The following DIP2B variants were observed in gnomAD, a reference collection of about 807,000 sequenced individuals.
DIP2B encodes the protein disco-interacting protein 2 homolog B.
In DIP2B, 76 loss-of-function variants were observed where a neutral mutation model predicts 198.0. That is an observed-to-expected ratio of 0.38 (90% confidence interval 0.32 to 0.46). The LOEUF is 0.46. DIP2B is among the 20% of genes least tolerant of loss of function. The probability of loss-of-function intolerance (pLI) is 0.99; values close to 1 mark genes in which losing one functional copy is unlikely to be tolerated. For synonymous variants in DIP2B, 701 were observed against 739.1 expected (o/e 0.95, Z 0.84); for missense variants, 1,559 against 1,978.4 (o/e 0.79, Z 4.02).
Position 50,726,431 on chromosome 12 carries a change from A to G in DIP2B, c.3401-1272A>G, listed in dbSNP as rs532416350. On this transcript the variant is annotated intron_variant, in intron 28 of 37. Coordinates refer to ENST00000301180, the MANE Select transcript of DIP2B (RefSeq NM_173602.3). ...AGTGGCGCGATCTCGGCTCACTGCA[A>G]CCTCCACCTCCTGGGTTCAAGGGAT... Among the ~76,000 whole-genome samples, 3 of 152,096 alleles carry G rather than the reference A, an allele frequency of 2.0e-5. No homozygotes were observed. In the East Asian group the frequency reaches 5.8e-4, roughly 29 times the overall value.
At chr12:50,524,484 C>T (rs747811928) in intron 1 of DIP2B, among the ~76,000 whole-genome samples, 2 of 152,124 alleles carry the variant, frequency 1.3e-5, no homozygotes, top group Admixed American at 6.5e-5. Flanking sequence ...GCTGACTCTT[C>T]TTTCTCTTTT....
At chr12:50,542,770 A>C (rs1250332157) in intron 1 of DIP2B, among the ~76,000 whole-genome samples, 2 of 152,234 alleles carry the variant, frequency 1.3e-5, no homozygotes, top group East Asian at 3.8e-4. Context: ...CGTTATGATT[A>C]AACTGTTTCT....
rs572793902 is a variant in DIP2B, at chr12:50,729,344, T to C, written c.3641+666T>C. ...TATGTCTTGTGTCTAATCAAATGTA[T>C]GTCCTTTGGCTCGGTTGTGCTACAC... On this transcript the variant is annotated intron_variant, in intron 30 of 37. Transcript: ENST00000301180. 2.0e-5 allele frequency among the ~76,000 whole-genome samples: 3 copies of C among 152,232 alleles called. No homozygotes were observed. The South Asian group carries it at 6.2e-4, about 32-fold the overall frequency.
intron 1 of DIP2B, among the ~76,000 whole-genome samples, chr12:50,596,485 A>C (rs1419132877): frequency 6.6e-6 from 1 of 152,202 alleles, no homozygotes; most frequent in Non-Finnish European, 1.5e-5. Context: ...TTCACTTTTG[A>C]CCTGTCTCCA....
chr12:50,713,626 T>C (rs1210112186), intron 22 of DIP2B, among the ~76,000 whole-genome samples: 1 of 152,196 alleles, frequency 6.6e-6, no homozygotes, highest in Non-Finnish European at 1.5e-5. Flanking sequence ...CATGGTAACA[T>C]GGTGAATCAC....
intron 1 of DIP2B, among the ~76,000 whole-genome samples, chr12:50,523,634 C>CT (rs1284082184): frequency 1.3e-5 from 2 of 152,128 alleles, no homozygotes; most frequent in African/African-American, 4.8e-5. Context: ...TGAGGTGATA[C>CT]TTGGCCTTAC....
At chr12:50,517,959 G>A (rs1958080491) in intron 1 of DIP2B, among the ~76,000 whole-genome samples, 1 of 152,136 alleles carries the variant, frequency 6.6e-6, no homozygotes. Context: ...CAGTTATTGA[G>A]AGCTTATGAT....
At chr12:50,521,329 A>G (rs1050580454) in intron 1 of DIP2B, among the ~76,000 whole-genome samples, 2 of 150,304 alleles carry the variant, frequency 1.3e-5, no homozygotes, top group Non-Finnish European at 3.0e-5. Context: ...CTGGTCTTGA[A>G]CTCTTGACCT....
At chr12:50,601,008 C>T (rs1958931361) in intron 1 of DIP2B, among the ~76,000 whole-genome samples, 1 of 152,014 alleles carries the variant, frequency 6.6e-6, no homozygotes, top group African/African-American at 2.4e-5. Flanking sequence ...TTGCCTGCCT[C>T]ACCCATTGGA....
rs1940327631 is a variant in DIP2B at position 50,745,365 on chromosome 12, T to C, written c.*526T>C. The C allele has an allele frequency of 6.4e-6, 1 of 156,530 alleles. No homozygotes were observed. Among genetic ancestry groups the C allele is most frequent in the Admixed American group, 6.1e-5 (1 of 16,318 alleles). The allele number at this position is 156,530 out of a possible 1,614,324, so 9.7% of individuals were successfully genotyped here. ...TTACTTTATATAGATAATTCTTGAC[T>C]GTAAAACATTTTGACCAGTGTTTTA... On this transcript the variant is annotated 3_prime_UTR_variant, in exon 38 of 38. Coordinates refer to ENST00000301180, the MANE Select transcript of DIP2B (RefSeq NM_173602.3).
At chr12:50,664,832 TTTTG>T (rs1383576020) in intron 4 of DIP2B, among the ~76,000 whole-genome samples, 89 of 1,012 alleles carry the variant, frequency 0.088, 22 homozygotes, top group Admixed American at 0.12. Context: ...CTTTTTTGGT[TTTTG>T]TTTTTTTTTT....
chr12:50,729,413 T>G (rs1225896320), intron 30 of DIP2B, among the ~76,000 whole-genome samples: 1 of 152,182 alleles, frequency 6.6e-6, no homozygotes, highest in Non-Finnish European at 1.5e-5. Context: ...TAACAAAAAT[T>G]AATGGGACTC....
intron 1 of DIP2B, among the ~76,000 whole-genome samples, chr12:50,549,323 G>A (rs539153332): frequency 3.4e-3 from 523 of 152,078 alleles, no homozygotes; most frequent in African/African-American, 0.012. Context: ...AAAAATTAGA[G>A]ATTGAGACCA....
intron 1 of DIP2B, among the ~76,000 whole-genome samples, chr12:50,589,054 G>T (rs1958795733): frequency 6.6e-6 from 1 of 151,522 alleles, no homozygotes; most frequent in Admixed American, 6.6e-5. Flanking sequence ...TGTGGTGGCG[G>T]GCACCTGTAG....
rs146729998 is a variant in DIP2B at position 50,706,570 on chromosome 12, T to C, written c.2439T>C (p.Asp813=). ...TGGTGTTCGTGGTTGGGAAAATGGA[T>C]GGCTTACTGATGGTTAGTGGTCGAA... ...GSLVFVVGKM[D]GLLMVSGRRH... Residue 813 remains aspartate (D), a synonymous_variant, in exon 21 of 38, where the codon GAT becomes GAC. Coordinates refer to ENST00000301180, the MANE Select transcript of DIP2B (RefSeq NM_173602.3). 7 of 1,614,118 alleles carry C rather than the reference T, an allele frequency of 4.3e-6. No individual in the cohort carries two copies. The East Asian group carries it at 8.9e-5, about 21-fold the overall frequency.
In DIP2B at chr12:50,741,542, A is replaced by G. The variant is rs1940244266; in HGVS notation, c.4478+3A>G. 1.9e-6 allele frequency: 3 copies of G among 1,612,348 alleles called. No homozygotes were observed. The highest frequency in any genetic ancestry group is 2.5e-6 in the Non-Finnish European group (3 of 1,179,026). ...ATCCACAGAAGCATTGCTGAATGGT[A>G]ACTCCCTCAGCATACACTGTGCTTC... On this transcript the variant is annotated splice_donor_region_variant and intron_variant, in intron 37 of 37. Transcript: ENST00000301180.
intron 28 of DIP2B, among the ~76,000 whole-genome samples, chr12:50,725,696 T>A (rs1939919922): frequency 6.6e-6 from 1 of 152,230 alleles, no homozygotes; most frequent in African/African-American, 2.4e-5. Context: ...TAATGTGTTA[T>A]ATAATTTTAT....
chr12:50,561,625 A>T (rs1361244446), intron 1 of DIP2B, among the ~76,000 whole-genome samples: 1 of 152,112 alleles, frequency 6.6e-6, no homozygotes, highest in Non-Finnish European at 1.5e-5. Flanking sequence ...TTATTGATTG[A>T]TTGAGACAGA....
At chr12:50,744,454 T>G in intron 37 of DIP2B, 133 bp from the exon 38 acceptor site, 2 of 1,189,328 alleles carry the variant, frequency 1.7e-6, no homozygotes, top group Non-Finnish European at 2.4e-6. Flanking sequence ...TCATATATGG[T>G]AGACATGACT....
Sources: allele counts gnomAD v4.1 joint callset (sites outside exome capture counted in the v4.1 genomes callset), GRCh38; gene constraint gnomAD v4.1.1; transcripts MANE v1.5; gene names NCBI Gene and HGNC (gene_info 2026-07-23, HGNC 2026-07-21).